Variants in HSD17B11 observed in about 807,000 individuals in gnomAD.
HSD17B11 encodes the protein estradiol 17-beta-dehydrogenase 11.
HSD17B11 carries 22 observed loss-of-function variants against 27.8 expected under a neutral mutation model. That is an observed-to-expected ratio of 0.79 (90% CI 0.56 to 1.13). HSD17B11 has a LOEUF of 1.13. Ranked by LOEUF, HSD17B11 falls within the 50% of genes most tolerant of loss-of-function variation. The pLI, the probability that HSD17B11 is intolerant of heterozygous loss-of-function variation, is 0.00. For missense variants in HSD17B11, 314 were observed against 351.1 expected, an observed-to-expected ratio of 0.89 and a Z score of 0.84; for synonymous variants, 117 against 132.8, an observed-to-expected ratio of 0.88 and a Z score of 0.82.
chr4:87,342,547 A>G lies in HSD17B11; in HGVS notation c.696-1941T>C, dbSNP rs1735190089. On this transcript the variant is annotated intron_variant, in intron 5 of 6. Coordinates refer to ENST00000358290, the MANE Select transcript of HSD17B11 (RefSeq NM_016245.5). ...GATGGTGAGATCTCGTCTCAAAAAAACAAAAACAAAAACAAAACTGGATGA... is the reference window on the plus strand; with the variant it reads ...GATGGTGAGATCTCGTCTCAAAAAAGCAAAAACAAAAACAAAACTGGATGA... 2.6e-5 allele frequency among the ~76,000 whole-genome samples: 4 copies of G among 152,132 alleles called. No homozygotes were observed. In the South Asian group the frequency reaches 8.3e-4, roughly 31 times the overall value.
At chr4:87,373,888 A>AG (rs150023053) in intron 3 of HSD17B11, among the ~76,000 whole-genome samples, 2,834 of 152,308 alleles carry the variant, frequency 0.019, 93 homozygotes, top group African/African-American at 0.065. Context: ...GGCCTTTTTA[A>AG]GAACTGGCTA....
chr4:87,374,018 G>T (rs1465942510), intron 3 of HSD17B11, among the ~76,000 whole-genome samples: 1 of 152,050 alleles, frequency 6.6e-6, no homozygotes, highest in East Asian at 1.9e-4. Flanking sequence ...GAAATAACAT[G>T]AGGCCTGAGC....
At chr4:87,362,403 G>T (rs1363914014) in intron 4 of HSD17B11, among the ~76,000 whole-genome samples, 1 of 152,220 alleles carries the variant, frequency 6.6e-6, no homozygotes, top group Non-Finnish European at 1.5e-5. Context: ...ATGCATGCCT[G>T]TAATCCCAGC....
intron 3 of HSD17B11, chr4:87,374,356 T>G (rs62319099): frequency 0.35 from 59,967 of 173,002 alleles, 11,874 homozygotes; most frequent in African/African-American, 0.54. Context: ...GCAAACTGGA[T>G]TCACCTTTAT....
At chr4:87,346,942 A>G (rs1347338299) in intron 5 of HSD17B11, among the ~76,000 whole-genome samples, 1 of 151,826 alleles carries the variant, frequency 6.6e-6, no homozygotes, top group Non-Finnish European at 1.5e-5. Context: ...AACAAAAATA[A>G]CTGAGCTTAA....
At chr4:87,341,095 C>G (rs767847574) in intron 5 of HSD17B11, among the ~76,000 whole-genome samples, 2 of 152,126 alleles carry the variant, frequency 1.3e-5, no homozygotes, top group African/African-American at 4.8e-5. Context: ...TACGTGCCCA[C>G]CTTTAGGCCC....
intron 4 of HSD17B11, among the ~76,000 whole-genome samples, chr4:87,364,741 A>T (rs1341643210): frequency 6.6e-6 from 1 of 152,240 alleles, no homozygotes; most frequent in African/African-American, 2.4e-5. Context: ...GATCCAGTAT[A>T]AAATACCACC....
In HSD17B11 at chr4:87,391,097, G is replaced by A; in HGVS notation, c.-27C>T. On this transcript the variant is annotated 5_prime_UTR_variant, in exon 1 of 7. Transcript: ENST00000358290. ...CCTTTTGTGGCTGCGAGCGTTTGGT[G>A]TGTTTTTTTTTTTTTTTACCACTCT... is the stretch of plus-strand genomic sequence containing the variant. The A allele has an allele frequency of 1.4e-6, 2 of 1,449,146 alleles. No individual in the cohort carries two copies. The highest frequency in any genetic ancestry group is 9.3e-7 in the Non-Finnish European group (1 of 1,080,362). The allele number at this position is 1,449,146 out of a possible 1,614,324, so 89.8% of individuals were successfully genotyped here. A position where few individuals can be genotyped will look rare whatever the true frequency, so the allele number is the denominator to read the frequency against.
intron 1 of HSD17B11, 31 bp downstream of exon 1, chr4:87,390,830 C>A (rs1317636449): frequency 6.3e-7 from 1 of 1,584,966 alleles, no homozygotes; most frequent in Admixed American, 1.7e-5. Context: ...ATTAAAGGTA[C>A]CAGAAAGTAA....
intron 6 of HSD17B11, 99 bp downstream of exon 6, chr4:87,340,391 C>T: frequency 1.4e-6 from 1 of 709,398 alleles, no homozygotes; most frequent in South Asian, 2.2e-5. Flanking sequence ...TTCCATTTAA[C>T]TGTACTTTAT....
chr4:87,340,418 A>G, intron 6 of HSD17B11, 72 bp downstream of exon 6: 1 of 931,654 alleles, frequency 1.1e-6, no homozygotes, highest in Non-Finnish European at 1.6e-6. Flanking sequence ...CCTGATTTAA[A>G]TGTCAGTAAA....
chr4:87,386,162 C>T (rs1720312026), intron 1 of HSD17B11, among the ~76,000 whole-genome samples: 2 of 151,938 alleles, frequency 1.3e-5, no homozygotes, highest in African/African-American at 4.8e-5. Flanking sequence ...TGGTCTTCCT[C>T]ATTTAGGTTG....
At chr4:87,362,593 T>C (rs1735538377) in intron 4 of HSD17B11, among the ~76,000 whole-genome samples, 1 of 152,216 alleles carries the variant, frequency 6.6e-6, no homozygotes, top group South Asian at 2.1e-4. Flanking sequence ...ACCCTCTCAG[T>C]AAAGTCCCTT....
chr4:87,346,582 G>A (rs1191084890), intron 5 of HSD17B11, among the ~76,000 whole-genome samples: 1 of 152,132 alleles, frequency 6.6e-6, no homozygotes, highest in Non-Finnish European at 1.5e-5. Flanking sequence ...TCTGGGAGGT[G>A]GAGGCCGCAG....
rs575418487 is a variant in HSD17B11 at position 87,376,724 on chromosome 4, A to T, written c.319-1894T>A. On this transcript the variant is annotated intron_variant, in intron 2 of 6. Coordinates refer to ENST00000358290, the MANE Select transcript of HSD17B11 (RefSeq NM_016245.5). The stretch of plus-strand genomic sequence containing the variant: ...GGCTTATGTAAACCCTTATGGCCAG[A>T]TTTCAAAGGTTGTTGCAGCTATCAT... Among the ~76,000 whole-genome samples, 270 of 152,302 alleles carry T rather than the reference A, an allele frequency of 1.8e-3. 1 individual carries two copies. Among genetic ancestry groups the T allele is most frequent in the Non-Finnish European group, 1.2e-3 (79 of 68,024 alleles).
Position 87,378,904 on chromosome 4 carries a change from A to AT in HSD17B11, c.318+3350_318+3351insA, listed in dbSNP as rs1491266522. Among the ~76,000 whole-genome samples, 4 of 14,430 alleles carry AT rather than the reference A, an allele frequency of 2.8e-4. 1 individual carries two copies. The highest frequency in any genetic ancestry group is 1.9e-3 in the African/African-American group (3 of 1,550). The allele number at this position is 14,430 out of a possible 152,430, so 9.5% of individuals were successfully genotyped here. On this transcript the variant is annotated intron_variant, in intron 2 of 6. Transcript: ENST00000358290. ...TAAATATATATATATAAATATATAT[A>AT]AATATATATATATAAATATATATAA...
At chr4:87,373,734 A>C (rs1735766259) in intron 3 of HSD17B11, among the ~76,000 whole-genome samples, 1 of 152,076 alleles carries the variant, frequency 6.6e-6, no homozygotes, top group Non-Finnish European at 1.5e-5. Context: ...AAGAGACAGT[A>C]ACCTATATTT....
At chr4:87,360,720 G>C (rs1735494116) in intron 4 of HSD17B11, among the ~76,000 whole-genome samples, 1 of 152,172 alleles carries the variant, frequency 6.6e-6, no homozygotes, top group African/African-American at 2.4e-5. Context: ...CAGCCTGCTT[G>C]AGACTTTAAT....
chr4:87,340,522 T>C lies in HSD17B11; in HGVS notation c.780A>G (p.Pro260=), dbSNP rs1312430895. Residue 260 remains proline, a synonymous_variant, in exon 6 of 7, where the codon CCA becomes CCG. Coordinates refer to ENST00000358290, the MANE Select transcript of HSD17B11 (RefSeq NM_016245.5). ...ILTEQKMIFI[P]SSIAFLTTLE... Reference sequence around the variant, plus strand: ...ATGTTGTTAAAAAAGCTATAGAAGATGGAATAAAAATCATCTTCTGCTCAG... The same window carrying C: ...ATGTTGTTAAAAAAGCTATAGAAGACGGAATAAAAATCATCTTCTGCTCAG... 3.1e-6 allele frequency: 5 copies of C among 1,609,940 alleles called. No homozygotes were observed. Among genetic ancestry groups the C allele is most frequent in the Non-Finnish European group, 4.2e-6 (5 of 1,177,906 alleles).
Sources: gnomAD v4.1 joint callset for allele counts (sites outside exome capture counted in the v4.1 genomes callset) on GRCh38, gnomAD v4.1.1 for gene constraint, MANE v1.5 for transcripts, NCBI Gene and HGNC (gene_info 2026-07-23, HGNC 2026-07-21) for gene names.